Variants in CSMD1 observed in about 807,000 individuals in gnomAD.
The protein encoded by CSMD1 is CUB and sushi domain-containing protein 1.
In CSMD1, 213 loss-of-function variants were observed where a neutral mutation model predicts 417.5. The ratio of observed to expected loss-of-function variants is 0.51; its 90% CI spans 0.46 to 0.57. The LOEUF (loss-of-function observed/expected upper bound fraction) is 0.57, where lower values mean the gene tolerates loss of function less well. CSMD1 is among the 20% of genes least tolerant of loss of function. The probability of loss-of-function intolerance (pLI) is 0.00; values close to 1 mark genes in which losing one functional copy is unlikely to be tolerated. For synonymous variants in CSMD1, 2,862 were observed against 1,736.8 expected (o/e 1.65, Z -16.11); for missense variants, 6,923 against 4,529.7 (o/e 1.53, Z -15.17).
chr8:3,199,549 TA>T (rs1428033899), intron 33 of CSMD1, among the ~76,000 whole-genome samples, 164 bp downstream of exon 33: 3 of 152,198 alleles, frequency 2.0e-5, no homozygotes, highest in African/African-American at 7.2e-5. Flanking sequence ...AAAATTGTAA[TA>T]TTTTTATTAA....
intron 8 of CSMD1, among the ~76,000 whole-genome samples, chr8:3,605,289 T>C (rs377364471): frequency 9.2e-5 from 14 of 152,310 alleles, no homozygotes; most frequent in African/African-American, 3.1e-4. Flanking sequence ...CGCGCCCAGA[T>C]GAAAGCAATT....
At chr8:3,202,923 CT>C (rs1797065163) in intron 31 of CSMD1, among the ~76,000 whole-genome samples, 1 of 152,124 alleles carries the variant, frequency 6.6e-6, no homozygotes, top group Non-Finnish European at 1.5e-5. Context: ...GCTCTAAAAA[CT>C]TTTTTCAGGA....
chr8:3,438,576 A>G (rs1466786894), intron 12 of CSMD1, among the ~76,000 whole-genome samples: 5 of 152,178 alleles, frequency 3.3e-5, no homozygotes, highest in African/African-American at 4.8e-5. Flanking sequence ...TTGTATCAAT[A>G]GTTTATTCCT....
chr8:3,133,940 C>A (rs1052255165), intron 41 of CSMD1, among the ~76,000 whole-genome samples: 1 of 152,090 alleles, frequency 6.6e-6, no homozygotes, highest in Non-Finnish European at 1.5e-5. Context: ...TCTGGGAGGC[C>A]GAGGCAGGCA....
At chr8:3,088,293 C>T (rs74807774) in intron 48 of CSMD1, among the ~76,000 whole-genome samples, 1,544 of 152,286 alleles carry the variant, frequency 0.01, 28 homozygotes, top group African/African-American at 0.036. Context: ...GGCGAGGTCA[C>T]TACTACACAA....
At chr8:4,249,239 G>C (rs898311425) in intron 3 of CSMD1, among the ~76,000 whole-genome samples, 1 of 152,100 alleles carries the variant, frequency 6.6e-6, no homozygotes, top group Non-Finnish European at 1.5e-5. Flanking sequence ...ACATAGAAAA[G>C]GGCAAACATT....
At chr8:4,495,280 C>A (rs1801921255) in intron 2 of CSMD1, among the ~76,000 whole-genome samples, 1 of 152,064 alleles carries the variant, frequency 6.6e-6, no homozygotes, top group African/African-American at 2.4e-5. Flanking sequence ...GTGACTAATA[C>A]AAAATGATTT....
At chr8:4,653,403 C>G (rs1439257782) in intron 1 of CSMD1, among the ~76,000 whole-genome samples, 1 of 152,030 alleles carries the variant, frequency 6.6e-6, no homozygotes, top group Non-Finnish European at 1.5e-5. Flanking sequence ...ACTAAAAATT[C>G]TGGTAATTGT....
intron 12 of CSMD1, among the ~76,000 whole-genome samples, chr8:3,466,986 T>C (rs1816824622): frequency 6.6e-6 from 1 of 152,174 alleles, no homozygotes; most frequent in Non-Finnish European, 1.5e-5. Context: ...TTGTCAAAGA[T>C]AACACATGAC....
rs1030690228 is a variant in CSMD1 at position 4,911,010 on chromosome 8, ACT to A, written c.85+83320_85+83321del. Among the ~76,000 whole-genome samples, 7 of 151,248 alleles carry A rather than the reference ACT, an allele frequency of 4.6e-5. No homozygotes were observed. In the South Asian group the frequency reaches 6.3e-4, roughly 14 times the overall value. Reference sequence around the variant, plus strand: ...CATAAGGGGGAATTTCCCTACAAAAACTCTCTCTTTGCCTGCTGCCATCCATG... The same window carrying A: ...CATAAGGGGGAATTTCCCTACAAAAACTCTCTTTGCCTGCTGCCATCCATG... On this transcript the variant is annotated intron_variant, in intron 1 of 69. Transcript: ENST00000635120.
intron 3 of CSMD1, among the ~76,000 whole-genome samples, chr8:4,343,392 G>A (rs1315222754): frequency 6.6e-6 from 1 of 151,952 alleles, no homozygotes; most frequent in Non-Finnish European, 1.5e-5. Context: ...TGCTAAGAGA[G>A]CTGACCTTAA....
intron 1 of CSMD1, among the ~76,000 whole-genome samples, chr8:4,732,310 C>T (rs191007114): frequency 9.9e-5 from 15 of 151,054 alleles, no homozygotes; most frequent in African/African-American, 3.4e-4. Context: ...TAAATTAAGA[C>T]ACCTGAAGAG....
chr8:4,015,825 C>G (rs561766703), intron 4 of CSMD1, among the ~76,000 whole-genome samples: 1 of 152,102 alleles, frequency 6.6e-6, no homozygotes, highest in South Asian at 2.1e-4. Context: ...ACTAAGCAAG[C>G]GGCGTAACTT....
At chr8:4,250,923 G>C (rs888276700) in intron 3 of CSMD1, among the ~76,000 whole-genome samples, 3 of 152,104 alleles carry the variant, frequency 2.0e-5, no homozygotes, top group Admixed American at 6.5e-5. Context: ...CTTAGTCACG[G>C]CTGAGCTCTT....
chr8:4,137,901 G>A (rs192004172), intron 3 of CSMD1, among the ~76,000 whole-genome samples: 17 of 151,702 alleles, frequency 1.1e-4, no homozygotes, highest in Non-Finnish European at 2.2e-4. Context: ...TACTTGAGAT[G>A]AAGTCTCGCT....
At chr8:4,677,130 A>G (rs1391184799) in intron 1 of CSMD1, among the ~76,000 whole-genome samples, 2 of 147,842 alleles carry the variant, frequency 1.4e-5, no homozygotes, top group African/African-American at 4.9e-5. Flanking sequence ...AATATATATG[A>G]TACATAAAAT....
intron 1 of CSMD1, among the ~76,000 whole-genome samples, chr8:4,942,894 A>G (rs1290541234): frequency 6.6e-6 from 1 of 152,252 alleles, no homozygotes. Flanking sequence ...CTTTTTGGAA[A>G]GATATAAACA....
intron 3 of CSMD1, among the ~76,000 whole-genome samples, chr8:4,351,523 G>A (rs1426981285): frequency 6.6e-6 from 1 of 152,212 alleles, no homozygotes; most frequent in African/African-American, 2.4e-5. Context: ...AACTTAAATT[G>A]TGAGATTCAT....
chr8:2,962,787 G>A (rs1431887404), intron 60 of CSMD1, 148 bp from the exon 61 acceptor site: 6 of 816,484 alleles, frequency 7.3e-6, no homozygotes, highest in East Asian at 2.7e-5. Context: ...GGTGGCTCAC[G>A]CCTGTAATCC....
Sources: gnomAD v4.1 joint callset for allele counts (sites outside exome capture counted in the v4.1 genomes callset) on GRCh38, gnomAD v4.1.1 for gene constraint, MANE v1.5 for transcripts, NCBI Gene and HGNC (gene_info 2026-07-23, HGNC 2026-07-21) for gene names.